Variants in PCDHGA2 observed in about 807,000 individuals in gnomAD.
PCDHGA2 encodes the protein protocadherin gamma subfamily A, 2.
PCDHGA2 carries 40 observed loss-of-function variants against 59.2 expected under a neutral mutation model. The observed-to-expected ratio is 0.68, with a 90% CI of 0.52 to 0.88. The LOEUF (loss-of-function observed/expected upper bound fraction) is 0.88, where lower values mean the gene tolerates loss of function less well. Among genes scored for constraint, PCDHGA2 ranks in the 40% least tolerant of loss-of-function variants. The pLI is 0.00. For missense variants in PCDHGA2, 1,226 were observed against 1,204.0 expected, an observed-to-expected ratio of 1.02 and a Z score of -0.27; for synonymous variants, 560 against 526.0, an observed-to-expected ratio of 1.06 and a Z score of -0.89.
chr5:141,395,542 TTGTGTGTGTG>T lies in PCDHGA2; in HGVS notation c.2424+54187_2424+54196del, dbSNP rs55729045. 945 of 172,430 alleles carry T rather than the reference TTGTGTGTGTG, an allele frequency of 5.5e-3. 2 individuals carry two copies. The highest frequency in any genetic ancestry group is 0.011 in the African/African-American group (192 of 17,544). 10.7% of individuals were successfully genotyped at this position (172,430 alleles called of 1,614,324 possible). A position where few individuals can be genotyped will look rare whatever the true frequency, so the allele number is the denominator to read the frequency against. On this transcript the variant is annotated intron_variant, in intron 1 of 3. Coordinates refer to ENST00000394576, the MANE Select transcript of PCDHGA2 (RefSeq NM_018915.4). ...TCCATACTGGTAATTTTGCTATTGT[TTGTGTGTGTG>T]TGTGTGTGTGTGTGTGTGTGTGTGT...
chr5:141,346,398 G>A (rs1757748400), intron 1 of PCDHGA2: 3 of 1,614,242 alleles, frequency 1.9e-6, no homozygotes, highest in South Asian at 1.1e-5. Flanking sequence ...TGAGAAAAGC[G>A]AGCCTCTTCT....
chr5:141,390,522 G>A, intron 1 of PCDHGA2: 1 of 557,096 alleles, frequency 1.8e-6, no homozygotes, highest in Non-Finnish European at 3.1e-6. Flanking sequence ...AAGCAATGAG[G>A]GTGTGGTTTT....
At position 141,511,420 on chromosome 5, in the gene PCDHGA2, G is replaced by A; in HGVS notation, c.*247G>A. On this transcript the variant is annotated 3_prime_UTR_variant, in exon 4 of 4. Coordinates refer to ENST00000394576, the MANE Select transcript of PCDHGA2 (RefSeq NM_018915.4). ...TCCAATCAACTGCTGTACCCATGGG[G>A]GTAGTGGGGTTACTGTAGACACCAA... 2.4e-6 allele frequency: 2 copies of A among 830,862 alleles called. No individual in the cohort carries two copies. Among genetic ancestry groups the A allele is most frequent in the Non-Finnish European group, 1.8e-6 (1 of 557,336 alleles). The allele number at this position is 830,862 out of a possible 1,614,324, so 51.5% of individuals were successfully genotyped here.
At chr5:141,419,465 G>C (rs568864628) in intron 1 of PCDHGA2, 77 of 1,612,426 alleles carry the variant, frequency 4.8e-5, no homozygotes, top group Non-Finnish European at 6.4e-5. Context: ...GCAGGCCCGC[G>C]ACCAGGGCTC....
intron 1 of PCDHGA2, chr5:141,364,990 G>A (rs1363998069): frequency 1.9e-6 from 3 of 1,613,862 alleles, no homozygotes; most frequent in Admixed American, 1.7e-5. Flanking sequence ...GCGGAGACCC[G>A]GTACTCTCCG....
chr5:141,389,553 G>A, intron 1 of PCDHGA2: 1 of 1,613,234 alleles, frequency 6.2e-7, no homozygotes, highest in South Asian at 1.1e-5. Context: ...CAACGACAAT[G>A]CGCCACGGGT....
chr5:141,366,335 C>T, intron 1 of PCDHGA2: 2 of 1,613,882 alleles, frequency 1.2e-6, no homozygotes, highest in Non-Finnish European at 1.7e-6. Context: ...CGACAGGATC[C>T]CTGACATCCT....
chr5:141,361,135 C>G (rs535070372), intron 1 of PCDHGA2: 1 of 1,613,506 alleles, frequency 6.2e-7, no homozygotes, highest in South Asian at 1.1e-5. Flanking sequence ...CTGCAGTATC[C>G]AAGTTGAAAT....
intron 1 of PCDHGA2, chr5:141,395,735 A>T (rs1226671096): frequency 6.5e-6 from 1 of 153,508 alleles, no homozygotes; most frequent in East Asian, 1.9e-4. Context: ...TCTTCACTTT[A>T]AACCTCTTTT....
At position 141,360,554 on chromosome 5, in the gene PCDHGA2, T is replaced by C. The variant is rs779397375; in HGVS notation, c.2424+19159T>C. ...CTATTCAAACAGACTAAGATTAATT[T>C]AAAAATTGGCGAATCCACTAAGCCA... is the stretch of plus-strand genomic sequence containing the variant. On this transcript the variant is annotated intron_variant, in intron 1 of 3. Transcript: ENST00000394576. 1.9e-6 allele frequency: 3 copies of C among 1,613,978 alleles called. No individual in the cohort carries two copies. The East Asian group carries it at 6.7e-5, about 36-fold the overall frequency.
At chr5:141,405,931 C>CT (rs1439525242) in intron 1 of PCDHGA2, among the ~76,000 whole-genome samples, 2 of 152,062 alleles carry the variant, frequency 1.3e-5, no homozygotes, top group Non-Finnish European at 2.9e-5. Context: ...GCTGATATAA[C>CT]TTTCATGTTC....
intron 1 of PCDHGA2, among the ~76,000 whole-genome samples, chr5:141,349,205 C>A (rs141929057): frequency 3.3e-5 from 5 of 151,242 alleles, no homozygotes; most frequent in African/African-American, 1.2e-4. Flanking sequence ...GAGTAGCTGG[C>A]GTTACAGGTA....
chr5:141,482,500 G>T (rs1409735210), intron 1 of PCDHGA2, among the ~76,000 whole-genome samples: 1 of 133,788 alleles, frequency 7.5e-6, no homozygotes, highest in Non-Finnish European at 1.5e-5. Flanking sequence ...TATCATTCTG[G>T]TACCCAGAGT....
At chr5:141,397,818 T>TAA (rs748152113) in intron 1 of PCDHGA2, among the ~76,000 whole-genome samples, 1 of 152,226 alleles carries the variant, frequency 6.6e-6, no homozygotes, top group Non-Finnish European at 1.5e-5. Flanking sequence ...CAAAAACAAT[T>TAA]ACTGCACTGG....
rs2090286148 is a variant in PCDHGA2 at position 141,385,565 on chromosome 5, C to T, written c.2424+44170C>T. ...GGACTATCACATTTTATAATTTCCA[C>T]CTACTTTCCAATCTATGTTCCAACC... On this transcript the variant is annotated intron_variant, in intron 1 of 3. Transcript: ENST00000394576. 2.3e-6 allele frequency: 3 copies of T among 1,302,312 alleles called. No homozygotes were observed. In the African/African-American group the frequency reaches 4.6e-5, roughly 20 times the overall value. 80.7% of individuals were successfully genotyped at this position (1,302,312 alleles called of 1,614,324 possible). A position where few individuals can be genotyped will look rare whatever the true frequency, so the allele number is the denominator to read the frequency against.
intron 1 of PCDHGA2, chr5:141,407,994 C>T (rs1449634415): frequency 1.0e-5 from 9 of 858,436 alleles, no homozygotes; most frequent in African/African-American, 1.7e-5. Flanking sequence ...CAGCCTCTGG[C>T]CTGGGATTCC....
chr5:141,365,797 C>G (rs376466748), intron 1 of PCDHGA2: 9 of 1,613,860 alleles, frequency 5.6e-6, no homozygotes, highest in Non-Finnish European at 6.8e-6. Context: ...GAGTCACCTA[C>G]TCCCTGGCTG....
chr5:141,478,323 G>A, intron 1 of PCDHGA2: 2 of 1,613,958 alleles, frequency 1.2e-6, no homozygotes, highest in Non-Finnish European at 8.5e-7. Flanking sequence ...TCACTGTACC[G>A]AACACCAGGG....
At chr5:141,364,328 G>A in intron 1 of PCDHGA2, 1 of 1,530,786 alleles carries the variant, frequency 6.5e-7, no homozygotes. Context: ...CAGAGAGAAG[G>A]CAATGGCGAG....
Sources: gnomAD v4.1 joint callset for allele counts (sites outside exome capture counted in the v4.1 genomes callset) on GRCh38, gnomAD v4.1.1 for gene constraint, MANE v1.5 for transcripts, NCBI Gene and HGNC (gene_info 2026-07-23, HGNC 2026-07-21) for gene names.